Variants in SV2C observed in about 807,000 individuals in gnomAD.
SV2C encodes the protein synaptic vesicle glycoprotein 2C.
In SV2C, 49 loss-of-function variants were observed where a neutral mutation model predicts 79.7. The observed-to-expected ratio is 0.61, with a 90% CI of 0.49 to 0.78. The LOEUF (loss-of-function observed/expected upper bound fraction) is 0.78, where lower values mean the gene tolerates loss of function less well. Ranked by LOEUF, SV2C falls within the 30% of genes least tolerant of loss-of-function variation. SV2C has a pLI of 0.00. For missense variants in SV2C, 833 were observed against 912.9 expected, an observed-to-expected ratio of 0.91 and a Z score of 1.13; for synonymous variants, 334 against 333.2, an observed-to-expected ratio of 1.00 and a Z score of -0.03.
chr5:75,964,257 T>C, the SV2C span, among the ~76,000 whole-genome samples: 27 of 152,220 alleles, frequency 1.8e-4, no homozygotes, highest in African/African-American at 6.5e-4. Flanking sequence ...GAGGCTGTTC[T>C]ACCAACAGGC....
chr5:76,149,433 C>T (rs144567385), intron 2 of SV2C, among the ~76,000 whole-genome samples: 84 of 152,332 alleles, frequency 5.5e-4, no homozygotes, highest in African/African-American at 1.9e-3. Context: ...AACAACCTCC[C>T]ACGAGACGCT....
chr5:76,257,753 C>T (rs1355296684), intron 4 of SV2C, among the ~76,000 whole-genome samples: 1 of 148,312 alleles, frequency 6.7e-6, no homozygotes, highest in African/African-American at 2.5e-5. Flanking sequence ...GGTGTGGACG[C>T]ATGTAGTGTG....
chr5:76,087,755 CTA>C (rs1454627470), intron 1 of SV2C, among the ~76,000 whole-genome samples: 3 of 152,298 alleles, frequency 2.0e-5, no homozygotes, highest in Non-Finnish European at 4.4e-5. Context: ...ACTTTCTAAG[CTA>C]TGTTTTCCTC....
chr5:75,917,786 A>G, the SV2C span, among the ~76,000 whole-genome samples: 1 of 151,930 alleles, frequency 6.6e-6, no homozygotes, highest in Non-Finnish European at 1.5e-5. Context: ...GTCAATAATA[A>G]CTTAGTTGCA....
chr5:76,294,859 C>T (rs1413391294), intron 8 of SV2C, among the ~76,000 whole-genome samples: 1 of 152,116 alleles, frequency 6.6e-6, no homozygotes, highest in Non-Finnish European at 1.5e-5. Context: ...ACACGAATGT[C>T]CTCTTCCCAG....
intron 4 of SV2C, among the ~76,000 whole-genome samples, chr5:76,272,393 A>G (rs1444647886): frequency 1.3e-5 from 2 of 152,238 alleles, no homozygotes; most frequent in Non-Finnish European, 2.9e-5. Flanking sequence ...CCATGTGCAA[A>G]CAGCAAAAAG....
chr5:75,984,962 G>A, the SV2C span, among the ~76,000 whole-genome samples: 1 of 151,964 alleles, frequency 6.6e-6, no homozygotes, highest in Non-Finnish European at 1.5e-5. Context: ...CTTGATTGCT[G>A]TCTTAGTCCA....
chr5:76,353,242 G>T (rs1422546500), exon 13 of SV2C: 3 of 287,286 alleles, frequency 1.0e-5, no homozygotes, highest in Admixed American at 4.8e-5. Context: ...ACTGCACCTG[G>T]CTTTCTTTCC....
chr5:75,873,330 A>G, the SV2C span, among the ~76,000 whole-genome samples: 2 of 152,178 alleles, frequency 1.3e-5, no homozygotes, highest in African/African-American at 4.8e-5. Context: ...TTCAACATAC[A>G]TACAAAAATT....
the SV2C span, among the ~76,000 whole-genome samples, chr5:75,881,107 C>T: frequency 6.6e-6 from 1 of 152,070 alleles, no homozygotes; most frequent in African/African-American, 2.4e-5. Context: ...AAGGGGATGC[C>T]GCTAAGCCAT....
downstream of SV2C, among the ~76,000 whole-genome samples, chr5:76,338,380 C>CA (rs1749368082): frequency 1.3e-5 from 2 of 152,216 alleles, no homozygotes; most frequent in Non-Finnish European, 2.9e-5. Flanking sequence ...AAGGTGGCAC[C>CA]AAAAATGCCC....
chr5:75,956,489 A>G, the SV2C span, among the ~76,000 whole-genome samples: 4 of 151,820 alleles, frequency 2.6e-5, no homozygotes, highest in Non-Finnish European at 4.4e-5. Flanking sequence ...TGGCACATGT[A>G]TACATATGTA....
At chr5:75,975,840 T>C in the SV2C span, among the ~76,000 whole-genome samples, 11 of 152,178 alleles carry the variant, frequency 7.2e-5, no homozygotes, top group African/African-American at 2.4e-4. Context: ...TCAGGCAGCA[T>C]CGGTCTCTCT....
chr5:76,095,905 A>G (rs1008129605), intron 1 of SV2C, among the ~76,000 whole-genome samples: 1 of 152,178 alleles, frequency 6.6e-6, no homozygotes, highest in Non-Finnish European at 1.5e-5. Flanking sequence ...GGGTCTACTC[A>G]TTACTTAATG....
chr5:76,153,331 C>T (rs926406185), intron 2 of SV2C, among the ~76,000 whole-genome samples: 2 of 152,154 alleles, frequency 1.3e-5, no homozygotes, highest in Non-Finnish European at 2.9e-5. Flanking sequence ...TTCCTTCGGC[C>T]TTGGCAGCTC....
the SV2C span, among the ~76,000 whole-genome samples, chr5:75,970,051 A>G: frequency 6.6e-6 from 1 of 152,146 alleles, no homozygotes; most frequent in Non-Finnish European, 1.5e-5. Flanking sequence ...ATGGAAACTG[A>G]ACAATCTGCT....
intron 4 of SV2C, among the ~76,000 whole-genome samples, chr5:76,223,491 A>G (rs1207180982): frequency 0.011 from 417 of 37,344 alleles, 3 homozygotes; most frequent in South Asian, 0.028. Flanking sequence ...ATATATATAT[A>G]TATATGTATA....
chr5:75,926,350 A>C, the SV2C span, among the ~76,000 whole-genome samples: 1 of 152,218 alleles, frequency 6.6e-6, no homozygotes, highest in African/African-American at 2.4e-5. Flanking sequence ...CATTTTTGGA[A>C]AGACAGGAGG....
At chr5:76,160,847 T>G (rs1301022068) in intron 2 of SV2C, among the ~76,000 whole-genome samples, 1 of 152,136 alleles carries the variant, frequency 6.6e-6, no homozygotes, top group Non-Finnish European at 1.5e-5. Flanking sequence ...TCAAGGCCCC[T>G]AGGATGGCTT....
Sources: allele counts gnomAD v4.1 joint callset (sites outside exome capture counted in the v4.1 genomes callset), GRCh38; gene constraint gnomAD v4.1.1; transcripts MANE v1.5; gene names NCBI Gene and HGNC (gene_info 2026-07-23, HGNC 2026-07-21).